TGM2: variants seen among roughly 807,000 people sequenced by gnomAD.
The protein encoded by TGM2 is transglutaminase 2.
A neutral mutation model predicts 75.6 loss-of-function variants in TGM2; 53 were observed. The ratio of observed to expected loss-of-function variants is 0.70; its 90% CI spans 0.56 to 0.88. TGM2 has a LOEUF of 0.88. Among genes scored for constraint, TGM2 ranks in the 40% least tolerant of loss-of-function variants. The pLI is 0.00. For missense variants in TGM2, 842 were observed against 928.5 expected (o/e 0.91, Z 1.21); for synonymous variants, 374 against 381.1 (o/e 0.98, Z 0.22).
intron 9 of TGM2, 27 bp downstream of exon 9, chr20:38,139,385 T>C (rs2122875729): frequency 1.2e-6 from 2 of 1,613,942 alleles, no homozygotes; most frequent in South Asian, 2.2e-5. Context: ...TCTTCAAGGC[T>C]GCATTAAAGA....
intron 9 of TGM2, among the ~76,000 whole-genome samples, 159 bp from the exon 10 acceptor site, chr20:38,138,544 T>C (rs920976394): frequency 1.3e-5 from 2 of 152,130 alleles, no homozygotes; most frequent in African/African-American, 4.8e-5. Context: ...CAGCATTTCA[T>C]TAATTTTCCA....
rs977816321 is a variant in TGM2, at chr20:38,128,913, T to G, written c.*1306A>C. 3 of 152,398 alleles carry G rather than the reference T, an allele frequency of 2.0e-5. No homozygotes were observed. The highest frequency in any genetic ancestry group is 4.4e-5 in the Non-Finnish European group (3 of 68,176). The allele number at this position is 152,398 out of a possible 1,614,324, so 9.4% of individuals were successfully genotyped here. ...TTGGTTAGTGACCAGCACTGGCAGC[T>G]AAGGCTGTTGGGAAGTCTAGGCATT... On this transcript the variant is annotated 3_prime_UTR_variant, in exon 13 of 13. Transcript: ENST00000361475.
At chr20:38,139,748 A>G in intron 8 of TGM2, 94 bp from the exon 9 acceptor site, 5 of 1,531,810 alleles carry the variant, frequency 3.3e-6, no homozygotes, top group Non-Finnish European at 4.4e-6. Flanking sequence ...GTAGCCAAAA[A>G]CCTCAAGACC....
intron 10 of TGM2, among the ~76,000 whole-genome samples, chr20:38,136,792 G>T (rs1416861072): frequency 6.6e-6 from 1 of 152,158 alleles, no homozygotes; most frequent in Non-Finnish European, 1.5e-5. Flanking sequence ...GGAGCCCTGG[G>T]CTTGATTCCT....
intron 5 of TGM2, 72 bp downstream of exon 5, chr20:38,147,889 C>T: frequency 6.4e-7 from 1 of 1,561,424 alleles, no homozygotes; most frequent in Non-Finnish European, 8.7e-7. Flanking sequence ...GCCTGTGTCT[C>T]CACTGCGAGG....
chr20:38,135,853 C>T (rs1303254373), intron 10 of TGM2, among the ~76,000 whole-genome samples: 1 of 152,168 alleles, frequency 6.6e-6, no homozygotes, highest in Non-Finnish European at 1.5e-5. Flanking sequence ...CTGCTGTGCC[C>T]TTTCCAGATA....
Position 38,151,006 on chromosome 20 carries a change from G to T in TGM2, c.485C>A (p.Thr162Asn), listed in dbSNP as rs749346831. 1.4e-5 allele frequency: 22 copies of T among 1,614,166 alleles called. No homozygotes were observed. In the South Asian group the frequency reaches 2.1e-4, roughly 15 times the overall value. The change falls in exon 4 of 13, where the codon ACC (threonine) becomes AAC (asparagine). Residue 162 changes from threonine to asparagine, a missense_variant. Transcript: ENST00000361475. ...SEEERQEYVL[T>N]QQGFIYQGSA... ...GCCCTGGTAGATAAAGCCCTGCTGG[G>T]TGAGGACATACTCCTGCCGCTCCTC...
At chr20:38,142,976 A>G (rs565361129) in intron 6 of TGM2, among the ~76,000 whole-genome samples, 66 of 152,390 alleles carry the variant, frequency 4.3e-4, no homozygotes, top group Non-Finnish European at 6.8e-4. Flanking sequence ...ATTTGCATTC[A>G]TAGCACGGCT....
At chr20:38,133,231 G>A (rs188896699) in intron 10 of TGM2, 19 of 203,384 alleles carry the variant, frequency 9.3e-5, no homozygotes, top group Admixed American at 6.5e-4. Flanking sequence ...TGCTGTACCC[G>A]TTGCACAGAT....
chr20:38,136,495 C>T (rs2122864927), intron 10 of TGM2, among the ~76,000 whole-genome samples: 1 of 152,358 alleles, frequency 6.6e-6, no homozygotes. Context: ...TGTGTGCACA[C>T]TCTCTTACCC....
At position 38,150,088 on chromosome 20, in the gene TGM2, G is replaced by A. The variant is rs534892783; in HGVS notation, c.552+851C>T. On this transcript the variant is annotated intron_variant, in intron 4 of 12. Transcript: ENST00000361475. ...CACACCAGGAGGTTGAGGGGCCAGG[G>A]GTGCAATGGTTCTTGCTTTGTGAGT... 5.3e-5 allele frequency among the ~76,000 whole-genome samples: 8 copies of A among 152,280 alleles called. No homozygotes were observed. In the East Asian group the frequency reaches 1.3e-3, roughly 26 times the overall value.
At position 38,130,794 on chromosome 20, in the gene TGM2, G is replaced by A. The variant is rs573867189; in HGVS notation, c.1913+299C>T. Among the ~76,000 whole-genome samples, 7 of 152,352 alleles carry A rather than the reference G, an allele frequency of 4.6e-5. No homozygotes were observed. The South Asian group carries it at 1.4e-3, about 32-fold the overall frequency. On this transcript the variant is annotated intron_variant, in intron 12 of 12. Coordinates refer to ENST00000361475, the MANE Select transcript of TGM2 (RefSeq NM_004613.4). ...ATATGTGTGTGCATGCTCATGTGTG[G>A]ACATTCGGAGGGCAGATACCTGTCT...
intron 11 of TGM2, among the ~76,000 whole-genome samples, chr20:38,131,909 T>C (rs1036086375): frequency 6.6e-6 from 1 of 152,012 alleles, no homozygotes; most frequent in Non-Finnish European, 1.5e-5. Flanking sequence ...ATTAACCCCA[T>C]GTTACAGATG....
At position 38,130,159 on chromosome 20, in the gene TGM2, G is replaced by C; in HGVS notation, c.*60C>G. On this transcript the variant is annotated 3_prime_UTR_variant, in exon 13 of 13. Transcript: ENST00000361475. ...AAGAAGGGGCATATTTTGCTCACTAGCTTGGGATAAGGATTGGGATCAAGG... is the reference window on the plus strand; with the variant it reads ...AAGAAGGGGCATATTTTGCTCACTACCTTGGGATAAGGATTGGGATCAAGG... 6.2e-7 allele frequency: 1 copy of C among 1,606,702 alleles called. No homozygotes were observed. The highest frequency in any genetic ancestry group is 1.1e-5 in the South Asian group (1 of 89,224).
At chr20:38,133,502 C>T (rs1171401572) in intron 10 of TGM2, 2 of 152,716 alleles carry the variant, frequency 1.3e-5, no homozygotes, top group South Asian at 2.1e-4. Flanking sequence ...GTTCTTAGCC[C>T]CATGTTTCTG....
chr20:38,137,926 C>T, intron 10 of TGM2, 187 bp downstream of exon 10: 2 of 1,343,244 alleles, frequency 1.5e-6, no homozygotes, highest in Non-Finnish European at 2.0e-6. Context: ...TTAGAATCCA[C>T]CCCCTCACTC....
Position 38,129,285 on chromosome 20 carries a change from C to T in TGM2, c.*934G>A, listed in dbSNP as rs187164909. 2.6e-5 allele frequency: 4 copies of T among 152,362 alleles called. No individual in the cohort carries two copies. The highest frequency in any genetic ancestry group is 2.6e-4 in the Admixed American group (4 of 15,288). 9.4% of individuals were successfully genotyped at this position (152,362 alleles called of 1,614,324 possible). A position where few individuals can be genotyped will look rare whatever the true frequency, so the allele number is the denominator to read the frequency against. On this transcript the variant is annotated 3_prime_UTR_variant, in exon 13 of 13. Transcript: ENST00000361475. ...GGCAGTGCCTGGCCAGACGTGGGACCTGAACCCAGCCAGGGCTCTGACTCC... is the reference window on the plus strand; with the variant it reads ...GGCAGTGCCTGGCCAGACGTGGGACTTGAACCCAGCCAGGGCTCTGACTCC...
intron 3 of TGM2, among the ~76,000 whole-genome samples, chr20:38,151,858 T>C (rs1291847654): frequency 1.3e-5 from 2 of 152,128 alleles, no homozygotes; most frequent in Non-Finnish European, 2.9e-5. Flanking sequence ...TAGTTGTCTG[T>C]GGCCAGTGAG....
chr20:38,127,396 G>A lies in TGM2; in HGVS notation c.*2823C>T. On this transcript the variant is annotated 3_prime_UTR_variant, in exon 13 of 13. Transcript: ENST00000361475. ...CGGCACCCAGAACACGTGATGTCAT[G>A]TTTTTATTTTGATTTATTTTTTATG... 4 of 984,756 alleles carry A rather than the reference G, an allele frequency of 4.1e-6. No homozygotes were observed. Among genetic ancestry groups the A allele is most frequent in the Non-Finnish European group, 4.8e-6 (4 of 829,318 alleles). The allele number at this position is 984,756 out of a possible 1,614,324, so 61.0% of individuals were successfully genotyped here.
Sources: allele counts gnomAD v4.1 joint callset (sites outside exome capture counted in the v4.1 genomes callset), GRCh38; gene constraint gnomAD v4.1.1; transcripts MANE v1.5; gene names NCBI Gene and HGNC (gene_info 2026-07-23, HGNC 2026-07-21).